Variants in MX2 observed in about 807,000 individuals in gnomAD.
The protein encoded by MX2 is MX dynamin like GTPase 2.
A neutral mutation model predicts 74.0 loss-of-function variants in MX2; 51 were observed. The observed-to-expected ratio is 0.69, with a 90% CI of 0.55 to 0.87. MX2 has a LOEUF of 0.87. Ranked by LOEUF, MX2 falls within the 40% of genes least tolerant of loss-of-function variation. The pLI is 0.00. For synonymous variants in MX2, 369 were observed against 339.3 expected (o/e 1.09, Z -0.96); for missense variants, 832 against 908.7 (o/e 0.92, Z 1.09).
In MX2 at chr21:41,380,877, A is replaced by G. The variant is rs550774247; in HGVS notation, c.577+726A>G. Among the ~76,000 whole-genome samples, 4 of 152,248 alleles carry G rather than the reference A, an allele frequency of 2.6e-5. No individual in the cohort carries two copies. The East Asian group carries it at 7.7e-4, about 29-fold the overall frequency. On this transcript the variant is annotated intron_variant, in intron 4 of 13. Transcript: ENST00000330714. This position sits in a 1 kb window ranked among gnomAD's most constrained non-coding sequence, Gnocchi z 4.3. Reference sequence around the variant, plus strand: ...CAACCTCCCTAAAGGCTTCTCCCCTATCCTGCCTGCACAGCCTGTCCTGGA... The same window carrying G: ...CAACCTCCCTAAAGGCTTCTCCCCTGTCCTGCCTGCACAGCCTGTCCTGGA...
chr21:41,396,420 CTTG>C (rs2089735725), intron 7 of MX2, among the ~76,000 whole-genome samples: 2 of 152,174 alleles, frequency 1.3e-5, no homozygotes, highest in Admixed American at 1.3e-4. Context: ...CATTCTGGAA[CTTG>C]TTGTTCCTGA....
intron 1 of MX2, among the ~76,000 whole-genome samples, chr21:41,367,964 T>C (rs2089282293): frequency 6.6e-6 from 1 of 152,190 alleles, no homozygotes; most frequent in African/African-American, 2.4e-5. Context: ...TTGTCTTCTC[T>C]TTTCTCCTCT....
chr21:41,380,372 G>A lies in MX2; in HGVS notation c.577+221G>A, dbSNP rs1012805059. ...CATCCCATGCCGAGGACCCTCTGGT[G>A]GCTTCCCTTAGCAGCCTGCAGCCCA... On this transcript the variant is annotated intron_variant, in intron 4 of 13. Transcript: ENST00000330714. The surrounding 1 kb of genome is among the most constrained non-coding windows in gnomAD (Gnocchi z 4.3). 8.5e-5 allele frequency among the ~76,000 whole-genome samples: 13 copies of A among 152,234 alleles called. No homozygotes were observed. Among genetic ancestry groups the A allele is most frequent in the African/African-American group, 2.6e-4 (11 of 41,550 alleles).
At chr21:41,394,330 G>T (rs542796902) in intron 6 of MX2, among the ~76,000 whole-genome samples, 1 of 152,008 alleles carries the variant, frequency 6.6e-6, no homozygotes, top group Admixed American at 6.6e-5. Context: ...TGCCATCCCT[G>T]CTCCCTCTCA....
At chr21:41,365,841 C>A (rs2089261057) in intron 1 of MX2, 1 of 152,256 alleles carries the variant, frequency 6.6e-6, no homozygotes. Context: ...GCACTCCCAC[C>A]AGCAGTGCAG....
intron 8 of MX2, among the ~76,000 whole-genome samples, chr21:41,397,900 A>G (rs2089757025): frequency 6.6e-6 from 1 of 152,230 alleles, no homozygotes. Flanking sequence ...AAATGTTTGA[A>G]TTGGTCAACA....
At chr21:41,392,457 G>A (rs1184471043) in intron 6 of MX2, among the ~76,000 whole-genome samples, 1 of 152,176 alleles carries the variant, frequency 6.6e-6, no homozygotes, top group Non-Finnish European at 1.5e-5. Context: ...AGGTCCCTAG[G>A]GTAGTCGGAC....
chr21:41,408,096 G>GAA lies in MX2; in HGVS notation c.2017_2018dup (p.Asn673LysfsTer111). The stretch of plus-strand genomic sequence containing the variant: ...GAAAGCCATGATGCAGATACTACAG[G>GAA]AAAAAAATCGCTATTCCTGGCTGCT... On this transcript the variant is annotated frameshift_variant, in exon 14 of 14. Transcript: ENST00000330714. LOFTEE classifies it low-confidence loss of function (END_TRUNC). The GAA allele has an allele frequency of 6.2e-7, 1 of 1,614,112 alleles. No individual in the cohort carries two copies. Among genetic ancestry groups the GAA allele is most frequent in the African/African-American group, 1.3e-5 (1 of 75,018 alleles).
At position 41,380,993 on chromosome 21, in the gene MX2, G is replaced by A. The variant is rs2089482494; in HGVS notation, c.577+842G>A. On this transcript the variant is annotated intron_variant, in intron 4 of 13. Transcript: ENST00000330714. This position sits in a 1 kb window ranked among gnomAD's most constrained non-coding sequence, Gnocchi z 4.3. ...TCCAAGGAAGGCCTTTTGCATTACTGGATAGCAAACTCAGTGTCTGAGCGG... is the reference window on the plus strand; with the variant it reads ...TCCAAGGAAGGCCTTTTGCATTACTAGATAGCAAACTCAGTGTCTGAGCGG... Among the ~76,000 whole-genome samples, 1 of 152,210 alleles carries A rather than the reference G, an allele frequency of 6.6e-6. No individual in the cohort carries two copies. The highest frequency in any genetic ancestry group is 2.4e-5 in the African/African-American group (1 of 41,458).
intron 5 of MX2, among the ~76,000 whole-genome samples, chr21:41,386,872 G>T (rs534898036): frequency 2.6e-4 from 40 of 152,194 alleles, no homozygotes; most frequent in Non-Finnish European, 4.6e-4. Context: ...ACAGTCACAG[G>T]TTCTTAGTTT....
At chr21:41,381,121 C>A (rs907822765) in intron 4 of MX2, among the ~76,000 whole-genome samples, 6 of 152,212 alleles carry the variant, frequency 3.9e-5, no homozygotes. Flanking sequence ...ATAGAGAGGT[C>A]TTCACTCCAA....
chr21:41,375,081 G>T (rs921247890), intron 1 of MX2, among the ~76,000 whole-genome samples: 18 of 152,136 alleles, frequency 1.2e-4, no homozygotes, highest in African/African-American at 4.3e-4. Flanking sequence ...GGAGAGGCTG[G>T]TCCCCACTTC....
intron 10 of MX2, among the ~76,000 whole-genome samples, chr21:41,400,489 CATGTGTGTGTGT>C (rs1474130106): frequency 6.6e-6 from 1 of 152,088 alleles, no homozygotes; most frequent in Non-Finnish European, 1.5e-5. Context: ...TCCAGTAGGG[CATGTGTGTGTGT>C]ATGTGTGTGT....
intron 1 of MX2, chr21:41,367,426 C>G (rs1279794289): frequency 6.6e-6 from 1 of 151,802 alleles, no homozygotes; most frequent in Non-Finnish European, 1.5e-5. Flanking sequence ...GTGAATGATT[C>G]TACGGGGAAA....
At position 41,380,178 on chromosome 21, in the gene MX2, G is replaced by A; in HGVS notation, c.577+27G>A. 6.2e-7 allele frequency: 1 copy of A among 1,612,920 alleles called. No individual in the cohort carries two copies. ...TGGGCCCACGTCATTCTGAGGTTCGGATCTGGCAGCCGCTCCTCTCACTTC... is the reference window on the plus strand; with the variant it reads ...TGGGCCCACGTCATTCTGAGGTTCGAATCTGGCAGCCGCTCCTCTCACTTC... On this transcript the variant is annotated intron_variant, in intron 4 of 13. Coordinates refer to ENST00000330714, the MANE Select transcript of MX2 (RefSeq NM_002463.2). The surrounding 1 kb of genome is among the most constrained non-coding windows in gnomAD (Gnocchi z 4.3).
chr21:41,379,286 C>T (rs914427141), intron 3 of MX2, among the ~76,000 whole-genome samples: 2 of 152,158 alleles, frequency 1.3e-5, no homozygotes, highest in Admixed American at 6.5e-5. Context: ...AGTTGGAAGA[C>T]GGGACAATAC....
chr21:41,401,450 C>T (rs2089813023), intron 10 of MX2: 1 of 152,308 alleles, frequency 6.6e-6, no homozygotes, highest in Non-Finnish European at 1.5e-5. Context: ...TTTTCAGAGA[C>T]AGGCTCTTGC....
In MX2 at chr21:41,394,161, C is replaced by T. The variant is rs77763904; in HGVS notation, c.872-1426C>T. ...TCCAGACATGTCAATCGGGTCATGC[C>T]CCTCTCTGTTTACATTCTCTCCTGC... On this transcript the variant is annotated intron_variant, in intron 6 of 13. Transcript: ENST00000330714. Among the ~76,000 whole-genome samples the T allele has an allele frequency of 3.9e-3, 595 of 152,298 alleles. 8 individuals carry two copies. Among genetic ancestry groups the T allele is most frequent in the African/African-American group, 0.013 (560 of 41,568 alleles).
Position 41,368,897 on chromosome 21 carries a change from C to T in MX2, c.-72+6842C>T, listed in dbSNP as rs79516076. Among the ~76,000 whole-genome samples, 1,748 of 152,268 alleles carry T rather than the reference C, an allele frequency of 0.011. 78 individuals carry two copies. Among genetic ancestry groups the T allele is most frequent in the Admixed American group, 0.086 (1,316 of 15,298 alleles). Reference sequence around the variant, plus strand: ...GTGGCTAGGGGTTCAGAGTCCCAGGCTCCCTCCCAGACAGATGGGTGGAGT... The same window carrying T: ...GTGGCTAGGGGTTCAGAGTCCCAGGTTCCCTCCCAGACAGATGGGTGGAGT... On this transcript the variant is annotated intron_variant, in intron 1 of 13. Coordinates refer to ENST00000330714, the MANE Select transcript of MX2 (RefSeq NM_002463.2). This position sits in a 1 kb window ranked among gnomAD's most constrained non-coding sequence, Gnocchi z 4.6.
Sources: gnomAD v4.1 joint callset for allele counts (sites outside exome capture counted in the v4.1 genomes callset) on GRCh38, gnomAD v4.1.1 for gene constraint, Gnocchi (gnomAD v3.1) non-coding constraint, MANE v1.5 for transcripts, NCBI Gene and HGNC (gene_info 2026-07-23, HGNC 2026-07-21) for gene names.